The following YJEFN3 variants were observed in gnomAD, a reference collection of about 807,000 sequenced individuals.
YJEFN3 encodes yjeF N-terminal domain-containing protein 3.
A neutral mutation model predicts 31.5 loss-of-function variants in YJEFN3; 29 were observed. The ratio of observed to expected loss-of-function variants is 0.92; its 90% CI spans 0.69 to 1.26. The LOEUF (loss-of-function observed/expected upper bound fraction) is 1.26. Among genes scored for constraint, YJEFN3 ranks in the 50% most tolerant of loss-of-function variants. YJEFN3 has a pLI of 0.00. For synonymous variants in YJEFN3, 227 were observed against 196.1 expected (o/e 1.16, Z -1.32); for missense variants, 442 against 425.4 (o/e 1.04, Z -0.34).
In YJEFN3 at chr19:19,531,718, C is replaced by CTTTTTTTTTTTTTTTTTTTTTTTTTT. The variant is rs56747140; in HGVS notation, c.210-909_210-884dup. On this transcript the variant is annotated intron_variant, in intron 2 of 6. Transcript: ENST00000514277. ...GCCACATTTTCTGGCAACAAATAAC[C>CTTTTTTTTTTTTTTTTTTTTTTTTTT]TTTTTTTTTTTTTTTTTTTTTTTTT... Among the ~76,000 whole-genome samples, 4 of 75,864 alleles carry CTTTTTTTTTTTTTTTTTTTTTTTTTT rather than the reference C, an allele frequency of 5.3e-5. 2 individuals carry two copies. Among genetic ancestry groups the CTTTTTTTTTTTTTTTTTTTTTTTTTT allele is most frequent in the African/African-American group, 3.0e-4 (4 of 13,252 alleles). The allele number at this position is 75,864 out of a possible 152,430, so 49.8% of individuals were successfully genotyped here.
In YJEFN3 at chr19:19,534,292, G is replaced by A; in HGVS notation, c.319-742G>A. On this transcript the variant is annotated intron_variant, in intron 3 of 6. Coordinates refer to ENST00000514277, the MANE Select transcript of YJEFN3 (RefSeq NM_198537.4). This position sits in a 1 kb window ranked among gnomAD's most constrained non-coding sequence, Gnocchi z 4.6. ...GGAGAAAGAGAGCCAGAGACATACAGAAAGACAGAGACACTAGAGTCTGAG... is the reference window on the plus strand; with the variant it reads ...GGAGAAAGAGAGCCAGAGACATACAAAAAGACAGAGACACTAGAGTCTGAG... 8.0e-6 allele frequency: 4 copies of A among 498,242 alleles called. No homozygotes were observed. In the South Asian group the frequency reaches 3.4e-4, roughly 42 times the overall value. 30.9% of individuals were successfully genotyped at this position (498,242 alleles called of 1,614,324 possible).
At chr19:19,531,063 C>T (rs946015733) in intron 2 of YJEFN3, among the ~76,000 whole-genome samples, 1 of 152,226 alleles carries the variant, frequency 6.6e-6, no homozygotes, top group Non-Finnish European at 1.5e-5. Context: ...CACGATGTGC[C>T]AGGCCTCCTC....
chr19:19,530,658 C>A (rs936229765), intron 2 of YJEFN3, among the ~76,000 whole-genome samples: 3 of 152,180 alleles, frequency 2.0e-5, no homozygotes, highest in African/African-American at 7.2e-5. Context: ...ATTCCTCACC[C>A]CGAATGCAAA....
intron 2 of YJEFN3, among the ~76,000 whole-genome samples, chr19:19,531,643 C>A (rs921017589): frequency 2.0e-5 from 3 of 151,652 alleles, no homozygotes; most frequent in African/African-American, 7.3e-5. Context: ...TGGAGACGGA[C>A]CCCAGTCATT....
intron 3 of YJEFN3, chr19:19,533,961 C>T (rs2061182581): frequency 7.1e-6 from 7 of 985,568 alleles, no homozygotes; most frequent in Non-Finnish European, 8.4e-6. Flanking sequence ...TGCGCTAAGC[C>T]TTTGGGGAGG....
At position 19,528,978 on chromosome 19, in the gene YJEFN3, C is replaced by T. The variant is rs1387172772; in HGVS notation, c.46C>T (p.Arg16Trp). ...GPDPSEAPEERHFLRALELQP... is the reference protein window; with the variant it reads ...GPDPSEAPEEWHFLRALELQP... ...AGACCCGTCGGAGGCGCCCGAAGAGCGGCATTTCCTCAGGTCAGCTGGGGA... is the reference window on the plus strand; with the variant it reads ...AGACCCGTCGGAGGCGCCCGAAGAGTGGCATTTCCTCAGGTCAGCTGGGGA... The change falls in exon 1 of 7, where the codon CGG becomes TGG. Residue 16 changes from arginine (R) to tryptophan (W), a missense_variant. Physicochemically the swap from Arg to Trp is moderately radical, Grantham distance 101. Transcript: ENST00000514277. 1 of 1,550,598 alleles carries T rather than the reference C, an allele frequency of 6.4e-7. No individual in the cohort carries two copies. Among genetic ancestry groups the T allele is most frequent in the Non-Finnish European group, 8.7e-7 (1 of 1,146,818 alleles).
chr19:19,537,340 G>T lies in YJEFN3; in HGVS notation c.716G>T (p.Ser239Ile). 1 of 1,595,258 alleles carries T rather than the reference G, an allele frequency of 6.3e-7. No homozygotes were observed. Residue 239 changes from serine to isoleucine, a missense_variant, in exon 7 of 7, where the codon AGC becomes ATC. Transcript: ENST00000514277. ...IPSGWDAETG[S>I]DSEDGLRPDV... ...TCAGGCTGGGACGCAGAGACCGGCA[G>T]CGATTCGGAGGACGGGCTGCGGCCT...
chr19:19,535,734 C>G (rs1568366318), intron 6 of YJEFN3, 55 bp downstream of exon 6: 39 of 1,535,216 alleles, frequency 2.5e-5, no homozygotes, highest in Non-Finnish European at 3.3e-5. Context: ...GTGGAGGCCC[C>G]TGTGCCCCAG....
intron 2 of YJEFN3, among the ~76,000 whole-genome samples, chr19:19,531,541 G>A (rs1036729982): frequency 6.6e-6 from 1 of 151,896 alleles, no homozygotes; most frequent in South Asian, 2.1e-4. Flanking sequence ...TCAGCCTCCT[G>A]GGTCACCGGG....
intron 2 of YJEFN3, 118 bp from the exon 3 acceptor site, chr19:19,532,514 G>A: frequency 1.7e-6 from 1 of 595,718 alleles, no homozygotes; most frequent in South Asian, 2.4e-5. Flanking sequence ...CTACTCGGGG[G>A]TACGGGGTGG....
Position 19,529,533 on chromosome 19 carries a change from A to G in YJEFN3, c.209+20A>G. ...CCAGAGGTTGGTGAGTTTGGGATCT[A>G]GAACTGGCGCCGTGGCTGTGACTCT... On this transcript the variant is annotated intron_variant, in intron 2 of 6. Transcript: ENST00000514277. 6.2e-7 allele frequency: 1 copy of G among 1,609,562 alleles called. No homozygotes were observed. The highest frequency in any genetic ancestry group is 8.5e-7 in the Non-Finnish European group (1 of 1,177,664).
At chr19:19,535,848 C>T (rs912690316) in intron 6 of YJEFN3, 169 bp downstream of exon 6, 11 of 929,796 alleles carry the variant, frequency 1.2e-5, no homozygotes, top group Non-Finnish European at 1.7e-5. Flanking sequence ...TGGGGAAGAT[C>T]GAGGCTGCCA....
At position 19,537,414 on chromosome 19, in the gene YJEFN3, T is replaced by TC. The variant is rs1373768980; in HGVS notation, c.792dup (p.Gly265ArgfsTer14). Reference sequence around the variant, plus strand: ...GCCCAAGCGCTGCGCTGGCCGCTTCTCCGGGCGCCACCACTTCGTGGCCGG... The same window carrying TC: ...GCCCAAGCGCTGCGCTGGCCGCTTCTCCCGGGCGCCACCACTTCGTGGCCGG... On this transcript the variant is annotated frameshift_variant, in exon 7 of 7. Transcript: ENST00000514277. LOFTEE classifies it high-confidence loss of function. 6.3e-7 allele frequency: 1 copy of TC among 1,591,762 alleles called. No individual in the cohort carries two copies. Among genetic ancestry groups the TC allele is most frequent in the Admixed American group, 1.7e-5 (1 of 59,016 alleles).
At chr19:19,529,634 C>T (rs959178028) in intron 2 of YJEFN3, 121 bp downstream of exon 2, 1 of 1,358,042 alleles carries the variant, frequency 7.4e-7, no homozygotes, top group South Asian at 1.4e-5. Context: ...CAGATGCGTC[C>T]AACAGCTCCT....
At chr19:19,532,996 A>C in intron 3 of YJEFN3, 1 of 1,265,990 alleles carries the variant, frequency 7.9e-7, no homozygotes, top group Non-Finnish European at 1.0e-6. Flanking sequence ...TGGAAGTGCA[A>C]CCCCTCCTGC....
rs1206826658 is a variant in YJEFN3, at chr19:19,532,680, C to A, written c.258C>A (p.Arg86=). The change falls in exon 3 of 7, where the codon CGC becomes CGA. Residue 86 remains arginine (R), a synonymous_variant. Coordinates refer to ENST00000514277, the MANE Select transcript of YJEFN3 (RefSeq NM_198537.4). ...ALERELLEDY[R]FGRQQLVELC... ...AGCGGGAGCTGCTGGAGGATTATCG[C>A]TTTGGGCGGCAGCAGCTCGTGGAGC... 2.5e-6 allele frequency: 4 copies of A among 1,576,032 alleles called. No individual in the cohort carries two copies. The Admixed American group carries it at 7.1e-5, about 28-fold the overall frequency.
Position 19,535,603 on chromosome 19 carries a change from CG to C in YJEFN3, c.623del (p.Gly208AlafsTer18). ...GCCCCGGCGTGGAGCCGGGCGAGGT[CG>C]GGGGCCCCTGCACCCGCGCGCTGGC... ...LGPGVEPGEV[G>X]GPCTRALATL... On this transcript the variant is annotated frameshift_variant, in exon 6 of 7. Transcript: ENST00000514277. LOFTEE classifies it high-confidence loss of function. The C allele has an allele frequency of 6.3e-7, 1 of 1,584,690 alleles. No individual in the cohort carries two copies.
intron 3 of YJEFN3, chr19:19,533,487 C>T (rs2061178001): frequency 1.1e-6 from 1 of 895,520 alleles, no homozygotes; most frequent in Non-Finnish European, 1.3e-6. Flanking sequence ...CCCTCCTCCT[C>T]CTTTCTCTCT....
chr19:19,530,738 T>C (rs1481802811), intron 2 of YJEFN3, among the ~76,000 whole-genome samples: 2 of 152,176 alleles, frequency 1.3e-5, no homozygotes, highest in Non-Finnish European at 2.9e-5. Flanking sequence ...GACTTCACCA[T>C]GAGCTCCTTT....
Sources: allele counts gnomAD v4.1 joint callset (sites outside exome capture counted in the v4.1 genomes callset), GRCh38; gene constraint gnomAD v4.1.1; non-coding constraint Gnocchi (gnomAD v3.1); transcripts MANE v1.5; gene names NCBI Gene and HGNC (gene_info 2026-07-23, HGNC 2026-07-21).